MAP4K3: variants seen among roughly 807,000 people sequenced by gnomAD.
MAP4K3 encodes the protein mitogen-activated protein kinase kinase kinase kinase 3.
Under a neutral mutation model 143.5 loss-of-function variants are expected in MAP4K3, and 94 were observed. That is an observed-to-expected ratio of 0.65 (90% confidence interval 0.55 to 0.78). The LOEUF (loss-of-function observed/expected upper bound fraction) is 0.78, where lower values mean the gene tolerates loss of function less well. Ranked by LOEUF, MAP4K3 falls within the 30% of genes least tolerant of loss-of-function variation. The pLI, the probability that MAP4K3 is intolerant of heterozygous loss-of-function variation, is 0.00. For missense variants in MAP4K3, 1,077 were observed against 1,068.1 expected (o/e 1.01, Z -0.12); for synonymous variants, 416 against 347.2 (o/e 1.20, Z -2.20).
At position 39,278,495 on chromosome 2, in the gene MAP4K3, A is replaced by G. The variant is rs1381056600; in HGVS notation, c.1715-9T>C. 8.1e-6 allele frequency: 12 copies of G among 1,484,786 alleles called. No individual in the cohort carries two copies. In the African/African-American group the frequency reaches 9.8e-5, roughly 12 times the overall value. The allele number at this position is 1,484,786 out of a possible 1,614,324, so 92.0% of individuals were successfully genotyped here. ...AAATATCAAGTACTGATCTGAAATAAAAGTAATTCACTGACTGATTTTGGT... is the reference window on the plus strand; with the variant it reads ...AAATATCAAGTACTGATCTGAAATAGAAGTAATTCACTGACTGATTTTGGT... On this transcript the variant is annotated splice_polypyrimidine_tract_variant and intron_variant, in intron 23 of 33. Coordinates refer to ENST00000263881, the MANE Select transcript of MAP4K3 (RefSeq NM_003618.4).
chr2:39,328,333 A>C (rs182074808), intron 8 of MAP4K3, among the ~76,000 whole-genome samples: 1 of 152,302 alleles, frequency 6.6e-6, no homozygotes, highest in East Asian at 1.9e-4. Flanking sequence ...CCCATCTCAA[A>C]AACCAAAAAC....
chr2:39,406,813 C>G (rs796814884), intron 1 of MAP4K3, among the ~76,000 whole-genome samples: 4 of 152,154 alleles, frequency 2.6e-5, no homozygotes, highest in African/African-American at 9.6e-5. Flanking sequence ...TAACAGTACA[C>G]AGAAAAACAG....
intron 15 of MAP4K3, 29 bp downstream of exon 15, chr2:39,307,914 G>A (rs1353233042): frequency 6.7e-7 from 1 of 1,487,776 alleles, no homozygotes; most frequent in South Asian, 1.3e-5. Context: ...AAACAATGCT[G>A]ACAAAGAAAA....
intron 6 of MAP4K3, among the ~76,000 whole-genome samples, chr2:39,336,255 C>G (rs1188647720): frequency 6.6e-6 from 1 of 151,864 alleles, no homozygotes; most frequent in Non-Finnish European, 1.5e-5. Flanking sequence ...GGATGATCAC[C>G]TGAGGTCAGG....
At position 39,290,344 on chromosome 2, in the gene MAP4K3, GA is replaced by G. The variant is rs754190377; in HGVS notation, c.1272-11del. ...TGCTTTCAGAGTTGAGCTAAAAACAGAAAAGTTTAGAATCAGAACTATTCAT... is the reference window on the plus strand; with the variant it reads ...TGCTTTCAGAGTTGAGCTAAAAACAGAAAGTTTAGAATCAGAACTATTCAT... On this transcript the variant is annotated splice_polypyrimidine_tract_variant and intron_variant, in intron 18 of 33. Transcript: ENST00000263881. The G allele has an allele frequency of 6.3e-6, 10 of 1,589,388 alleles. No individual in the cohort carries two copies. The African/African-American group carries it at 6.8e-5, about 11-fold the overall frequency.
chr2:39,386,039 C>A (rs1425409301), intron 1 of MAP4K3, among the ~76,000 whole-genome samples: 1 of 152,092 alleles, frequency 6.6e-6, no homozygotes, highest in East Asian at 1.9e-4. Context: ...TGTTGAAGTC[C>A]CAACCCCCAG....
rs373823114 is a variant in MAP4K3, at chr2:39,286,633, T to C, written c.1587+219A>G. Among the ~76,000 whole-genome samples, 8 of 152,348 alleles carry C rather than the reference T, an allele frequency of 5.3e-5. No individual in the cohort carries two copies. The East Asian group carries it at 1.3e-3, about 26-fold the overall frequency. On this transcript the variant is annotated intron_variant, in intron 21 of 33. Transcript: ENST00000263881. ...CTACATAACAAATTGGTCTAAATAATGTAAACGATAAAAAGCCATCATTCA... is the reference window on the plus strand; with the variant it reads ...CTACATAACAAATTGGTCTAAATAACGTAAACGATAAAAAGCCATCATTCA...
At chr2:39,379,024 A>T (rs574145790) in intron 1 of MAP4K3, among the ~76,000 whole-genome samples, 12 of 152,198 alleles carry the variant, frequency 7.9e-5, no homozygotes, top group African/African-American at 2.9e-4. Context: ...TACAAATAAT[A>T]TTCATACCAC....
intron 1 of MAP4K3, among the ~76,000 whole-genome samples, chr2:39,387,022 C>G (rs968351364): frequency 6.6e-6 from 1 of 152,104 alleles, no homozygotes; most frequent in South Asian, 2.1e-4. Context: ...CCATGTTGGC[C>G]AGGCTCATCG....
intron 32 of MAP4K3, among the ~76,000 whole-genome samples, chr2:39,253,441 C>G (rs1680227565): frequency 6.6e-6 from 1 of 152,158 alleles, no homozygotes; most frequent in African/African-American, 2.4e-5. Context: ...CAGCAGCTAC[C>G]TTTTAAACAC....
At chr2:39,349,408 A>G (rs1376001365) in intron 3 of MAP4K3, among the ~76,000 whole-genome samples, 1 of 152,158 alleles carries the variant, frequency 6.6e-6, no homozygotes, top group Non-Finnish European at 1.5e-5. Context: ...CTATTTCTCT[A>G]TAATTATACC....
At chr2:39,277,295 C>A (rs1681303411) in intron 24 of MAP4K3, among the ~76,000 whole-genome samples, 1 of 152,204 alleles carries the variant, frequency 6.6e-6, no homozygotes, top group South Asian at 2.1e-4. Flanking sequence ...CATCTCTATG[C>A]CATCATGCTT....
At chr2:39,385,826 T>C (rs1175950096) in intron 1 of MAP4K3, among the ~76,000 whole-genome samples, 1 of 151,884 alleles carries the variant, frequency 6.6e-6, no homozygotes, top group Non-Finnish European at 1.5e-5. Context: ...GAGATGAGGT[T>C]TCACCATGTT....
chr2:39,398,380 G>C (rs1359694754), intron 1 of MAP4K3, among the ~76,000 whole-genome samples: 1 of 151,932 alleles, frequency 6.6e-6, no homozygotes, highest in African/African-American at 2.4e-5. Context: ...AAAGAAACCA[G>C]GGTGCAAAGT....
chr2:39,255,855 C>T (rs1680322093), intron 31 of MAP4K3, among the ~76,000 whole-genome samples: 1 of 152,102 alleles, frequency 6.6e-6, no homozygotes, highest in Admixed American at 6.6e-5. Context: ...AGCAGCTTAT[C>T]AAGTGGCACA....
chr2:39,309,216 T>C (rs929461926), intron 14 of MAP4K3, among the ~76,000 whole-genome samples: 1 of 152,176 alleles, frequency 6.6e-6, no homozygotes, highest in African/African-American at 2.4e-5. Flanking sequence ...CTTGAATTCC[T>C]GGGCTCAAGG....
intron 2 of MAP4K3, among the ~76,000 whole-genome samples, chr2:39,370,995 A>C (rs1458186400): frequency 6.6e-6 from 1 of 152,182 alleles, no homozygotes; most frequent in Non-Finnish European, 1.5e-5. Context: ...GCTCTGCCAT[A>C]GCTCTCATCT....
At chr2:39,430,329 A>C (rs1665246791) in intron 1 of MAP4K3, among the ~76,000 whole-genome samples, 1 of 152,220 alleles carries the variant, frequency 6.6e-6, no homozygotes, top group African/African-American at 2.4e-5. Flanking sequence ...ATTTATGGTC[A>C]AATCTAAAAT....
intron 3 of MAP4K3, among the ~76,000 whole-genome samples, chr2:39,349,927 C>T (rs537507914): frequency 5.9e-5 from 9 of 152,194 alleles, no homozygotes; most frequent in African/African-American, 1.4e-4. Context: ...GGTAAAGGAA[C>T]GTATCTGTAA....
Sources: gnomAD v4.1 joint callset for allele counts (sites outside exome capture counted in the v4.1 genomes callset) on GRCh38, gnomAD v4.1.1 for gene constraint, MANE v1.5 for transcripts, NCBI Gene and HGNC (gene_info 2026-07-23, HGNC 2026-07-21) for gene names.